Variants in DLAT observed in about 807,000 individuals in gnomAD.
DLAT encodes dihydrolipoyllysine-residue acetyltransferase component of pyruvate dehydrogenase complex, mitochondrial.
Under a neutral mutation model 68.0 loss-of-function variants are expected in DLAT, and 43 were observed. The ratio of observed to expected loss-of-function variants is 0.63; its 90% CI spans 0.50 to 0.81. The LOEUF (loss-of-function observed/expected upper bound fraction) is 0.81, where lower values mean the gene tolerates loss of function less well. Among genes scored for constraint, DLAT ranks in the 40% least tolerant of loss-of-function variants. The pLI is 0.00. For missense variants in DLAT, 745 were observed against 815.4 expected (o/e 0.91, Z 1.05); for synonymous variants, 265 against 288.6 (o/e 0.92, Z 0.83).
At chr11:112,058,225 T>G (rs782597132) in intron 11 of DLAT, among the ~76,000 whole-genome samples, 9 of 152,206 alleles carry the variant, frequency 5.9e-5, no homozygotes, top group Non-Finnish European at 1.2e-4. Context: ...GTCCTTACTG[T>G]CTCAAAGGGA....
chr11:112,040,908 A>C (rs1187499121), intron 7 of DLAT, among the ~76,000 whole-genome samples: 1 of 150,930 alleles, frequency 6.6e-6, no homozygotes, highest in African/African-American at 2.5e-5. Context: ...CTTAGGTATG[A>C]GCTGAGAGGA....
In DLAT at chr11:112,037,292, A is replaced by C; in HGVS notation, c.807A>C (p.Glu269Asp). 1 of 1,614,178 alleles carries C rather than the reference A, an allele frequency of 6.2e-7. No homozygotes were observed. The highest frequency in any genetic ancestry group is 8.5e-7 in the Non-Finnish European group (1 of 1,180,002). The change falls in exon 6 of 14, where the codon GAA becomes GAC. Residue 269 changes from glutamate to aspartate, a missense_variant. Coordinates refer to ENST00000280346, the MANE Select transcript of DLAT (RefSeq NM_001931.5). ...KATIGFEVQE[E>D]GYLAKILVPE... The stretch of plus-strand genomic sequence containing the variant: ...TTTAAGGTTTTGAAGTACAGGAAGA[A>C]GGTTATCTGGCAAAAATCCTGGTCC...
chr11:112,035,564 C>T (rs1862667742), intron 5 of DLAT, among the ~76,000 whole-genome samples: 1 of 151,610 alleles, frequency 6.6e-6, no homozygotes, highest in African/African-American at 2.4e-5. Context: ...TCTCGGCCCA[C>T]CACAACCTCT....
At chr11:112,033,924 T>G (rs1236961885) in intron 5 of DLAT, among the ~76,000 whole-genome samples, 1 of 152,138 alleles carries the variant, frequency 6.6e-6, no homozygotes, top group Admixed American at 6.5e-5. Context: ...GGGGTCTCAC[T>G]TTATTGCCCA....
intron 1 of DLAT, 145 bp from the exon 2 acceptor site, chr11:112,026,053 C>A: frequency 1.3e-6 from 1 of 792,554 alleles, no homozygotes; most frequent in Non-Finnish European, 2.1e-6. Context: ...TTCTCATGGA[C>A]AGGAACTCCC....
chr11:112,049,412 GT>G (rs1236165824), intron 10 of DLAT, among the ~76,000 whole-genome samples: 18 of 151,966 alleles, frequency 1.2e-4, no homozygotes, highest in Admixed American at 2.0e-4. Context: ...TCTTTCAACA[GT>G]TTTTTTATAG....
At chr11:112,057,606 G>A (rs1864177025) in intron 11 of DLAT, among the ~76,000 whole-genome samples, 1 of 152,200 alleles carries the variant, frequency 6.6e-6, no homozygotes, top group Non-Finnish European at 1.5e-5. Context: ...GCTTAATTCA[G>A]AGCAAGGCCC....
rs1862927058 is a variant in DLAT at position 112,039,178 on chromosome 11, C to A, written c.976-66C>A. The A allele has an allele frequency of 6.0e-6, 9 of 1,491,718 alleles. No homozygotes were observed. In the Admixed American group the frequency reaches 1.2e-4, roughly 20 times the overall value. 92.4% of individuals were successfully genotyped at this position (1,491,718 alleles called of 1,614,324 possible). A position where few individuals can be genotyped will look rare whatever the true frequency, so the allele number is the denominator to read the frequency against. On this transcript the variant is annotated intron_variant, in intron 6 of 13. Transcript: ENST00000280346. The stretch of plus-strand genomic sequence containing the variant: ...TTTTAATTTATTAATAAGATGTAAA[C>A]TTTTAATCTTTCAGACCAGTCTTTG...
chr11:112,052,996 A>G (rs1863749598), intron 11 of DLAT, among the ~76,000 whole-genome samples: 1 of 152,158 alleles, frequency 6.6e-6, no homozygotes, highest in Non-Finnish European at 1.5e-5. Context: ...ACATGGGGAC[A>G]AAGACCAAGT....
chr11:112,028,420 C>CAAAAAAAAAAAAAAAAAAAAAAAAAAAAA (rs148561787), intron 2 of DLAT, 95 bp from the exon 3 acceptor site: 1 of 674,744 alleles, frequency 1.5e-6, no homozygotes, highest in Admixed American at 3.9e-5. Context: ...CTCTGTGTCT[C>CAAAAAAAAAAAAAAAAAAAAAAAAAAAAA]AAAAAAAAAA....
chr11:112,034,554 T>C (rs1281723762), intron 5 of DLAT, among the ~76,000 whole-genome samples: 2 of 151,956 alleles, frequency 1.3e-5, no homozygotes, highest in Admixed American at 6.6e-5. Context: ...GCCATTCTCC[T>C]GCCTCAGCCT....
At chr11:112,045,798 A>G in intron 9 of DLAT, 65 bp from the exon 10 acceptor site, 2 of 980,004 alleles carry the variant, frequency 2.0e-6, no homozygotes. Flanking sequence ...AGAGACAAAC[A>G]GAGCCCTAAA....
At chr11:112,027,155 C>G (rs1263942311) in intron 2 of DLAT, among the ~76,000 whole-genome samples, 4 of 150,404 alleles carry the variant, frequency 2.7e-5, no homozygotes, top group Non-Finnish European at 4.4e-5. Context: ...GGGTGGCTGC[C>G]GGGCGGAGGG....
At chr11:112,031,980 C>T (rs2553931) in intron 4 of DLAT, among the ~76,000 whole-genome samples, 1 of 141,274 alleles carries the variant, frequency 7.1e-6, no homozygotes, top group African/African-American at 2.7e-5. Flanking sequence ...ACGGCAACCT[C>T]TGCGATTCTC....
chr11:112,047,750 G>C (rs1373838526), intron 10 of DLAT, among the ~76,000 whole-genome samples: 1 of 152,168 alleles, frequency 6.6e-6, no homozygotes, highest in Non-Finnish European at 1.5e-5. Flanking sequence ...GTTGTTGTCA[G>C]GTTTGTCAAA....
Position 112,045,137 on chromosome 11 carries a change from G to C in DLAT, c.1198-1G>C, listed in dbSNP as rs1555181337. On this transcript the variant is annotated splice_acceptor_variant, in intron 8 of 13. Transcript: ENST00000280346. LOFTEE classifies it high-confidence loss of function. The stretch of plus-strand genomic sequence containing the variant: ...TAAGAGCTTTTTCTTTCCTCCCATA[G>C]GCTCCGGCAGCTGTTGTGCCTCCCA... 1 of 1,613,538 alleles carries C rather than the reference G, an allele frequency of 6.2e-7. No individual in the cohort carries two copies. The highest frequency in any genetic ancestry group is 1.1e-5 in the South Asian group (1 of 91,060).
intron 7 of DLAT, among the ~76,000 whole-genome samples, chr11:112,042,816 GT>G (rs1379990245): frequency 1.3e-5 from 2 of 152,144 alleles, no homozygotes; most frequent in Non-Finnish European, 2.9e-5. Context: ...ACACGGGCCA[GT>G]TTAGAGCCTT....
At position 112,062,511 on chromosome 11, in the gene DLAT, A is replaced by G; in HGVS notation, c.1920A>G (p.Glu640=). 1 of 1,612,580 alleles carries G rather than the reference A, an allele frequency of 6.2e-7. No homozygotes were observed. Among genetic ancestry groups the G allele is most frequent in the East Asian group, 2.2e-5 (1 of 44,886 alleles). ...TTGCTGAGTTTAGAAAGTACCTTGA[A>G]AAACCTATCACTATGTTGTTGTAAC... The part of the protein sequence containing the change: ...QWLAEFRKYL[E]KPITMLL Residue 640 remains glutamate, a synonymous_variant, in exon 14 of 14, where the codon GAA becomes GAG. Transcript: ENST00000280346.
chr11:112,042,114 G>A (rs1863079868), intron 7 of DLAT, among the ~76,000 whole-genome samples: 1 of 152,350 alleles, frequency 6.6e-6, no homozygotes, highest in Non-Finnish European at 1.5e-5. Context: ...GGAAATGGAT[G>A]AAACGTTTAT....
Sources: allele counts gnomAD v4.1 joint callset (sites outside exome capture counted in the v4.1 genomes callset), GRCh38; gene constraint gnomAD v4.1.1; transcripts MANE v1.5; gene names NCBI Gene and HGNC (gene_info 2026-07-23, HGNC 2026-07-21).